Variants in ERC2 observed in about 807,000 individuals in gnomAD.
The protein encoded by ERC2 is ELKS/RAB6-interacting/CAST family member 2, also known as ERC protein 2.
ERC2 carries 42 observed loss-of-function variants against 114.8 expected under a neutral mutation model. The observed-to-expected ratio is 0.37, with a 90% CI of 0.29 to 0.47. The LOEUF (loss-of-function observed/expected upper bound fraction) is 0.47, where lower values mean the gene tolerates loss of function less well. Among genes scored for constraint, ERC2 ranks in the 20% least tolerant of loss-of-function variants. The pLI is 0.99. For synonymous variants in ERC2, 454 were observed against 425.5 expected, an observed-to-expected ratio of 1.07 and a Z score of -0.82; for missense variants, 939 against 1,150.7, an observed-to-expected ratio of 0.82 and a Z score of 2.66.
At chr3:56,462,819 GC>G (rs940597977) in intron 1 of ERC2, among the ~76,000 whole-genome samples, 13 of 152,176 alleles carry the variant, frequency 8.5e-5, no homozygotes, top group African/African-American at 2.7e-4. Context: ...CAAGTAAAGA[GC>G]TTTTTAGTTT....
At chr3:55,535,211 T>C (rs1336961025) in intron 17 of ERC2, among the ~76,000 whole-genome samples, 1 of 152,212 alleles carries the variant, frequency 6.6e-6, no homozygotes, top group Non-Finnish European at 1.5e-5. Flanking sequence ...GCCTGACTTG[T>C]AGTTTCTTCA....
chr3:56,000,656 C>T (rs1027036386), intron 10 of ERC2, among the ~76,000 whole-genome samples: 3 of 152,006 alleles, frequency 2.0e-5, no homozygotes, highest in Non-Finnish European at 4.4e-5. Context: ...GGCCAGGGTG[C>T]GGCAGAAAGG....
chr3:55,530,705 G>T (rs1237369511), intron 17 of ERC2, among the ~76,000 whole-genome samples: 1 of 152,202 alleles, frequency 6.6e-6, no homozygotes, highest in Non-Finnish European at 1.5e-5. Flanking sequence ...CTCAAGAGCT[G>T]GGAAATCAGA....
intron 2 of ERC2, among the ~76,000 whole-genome samples, chr3:56,409,332 C>G (rs1049476530): frequency 6.6e-6 from 1 of 152,056 alleles, no homozygotes; most frequent in Non-Finnish European, 1.5e-5. Context: ...CAGTCATCCT[C>G]CTGGGAATAT....
intron 6 of ERC2, among the ~76,000 whole-genome samples, chr3:56,135,701 C>G (rs2080465621): frequency 6.6e-6 from 1 of 152,164 alleles, no homozygotes; most frequent in Non-Finnish European, 1.5e-5. Flanking sequence ...GAGGTATAAC[C>G]ACACATCTCC....
At chr3:55,961,952 C>T (rs1372934457) in intron 12 of ERC2, among the ~76,000 whole-genome samples, 1 of 151,984 alleles carries the variant, frequency 6.6e-6, no homozygotes, top group Non-Finnish European at 1.5e-5. Flanking sequence ...TATCCTCCAC[C>T]GCCAAGCCAC....
At chr3:55,987,200 A>G (rs1041064287) in intron 11 of ERC2, among the ~76,000 whole-genome samples, 1 of 152,214 alleles carries the variant, frequency 6.6e-6, no homozygotes, top group Non-Finnish European at 1.5e-5. Context: ...TAAATGCGCA[A>G]CTGATCTAAA....
intron 16 of ERC2, 24 bp from the exon 17 acceptor site, chr3:55,683,883 G>A: frequency 1.2e-6 from 2 of 1,610,652 alleles, no homozygotes; most frequent in Non-Finnish European, 8.5e-7. Context: ...GAGGTGGGGA[G>A]GTGCACAGAG....
intron 6 of ERC2, among the ~76,000 whole-genome samples, chr3:56,101,050 A>T (rs1390552937): frequency 6.6e-6 from 1 of 152,234 alleles, no homozygotes; most frequent in East Asian, 1.9e-4. Context: ...TTTTCCAGGC[A>T]AAGATGAATG....
chr3:56,153,180 T>C (rs1024495858), intron 4 of ERC2, among the ~76,000 whole-genome samples: 6 of 152,106 alleles, frequency 3.9e-5, no homozygotes, highest in African/African-American at 2.4e-5. Context: ...AACAAATACA[T>C]AGGGCACCTA....
intron 2 of ERC2, among the ~76,000 whole-genome samples, chr3:56,382,989 C>T (rs2059807432): frequency 6.6e-6 from 1 of 152,104 alleles, no homozygotes; most frequent in Admixed American, 6.6e-5. Context: ...CTACCAGTTG[C>T]CCAGGCCCCA....
At position 56,312,969 on chromosome 3, in the gene ERC2, A is replaced by G. The variant is rs1269456585; in HGVS notation, c.658-16534T>C. Among the ~76,000 whole-genome samples the G allele has an allele frequency of 3.8e-5, 5 of 130,264 alleles. No individual in the cohort carries two copies. In the East Asian group the frequency reaches 9.1e-4, roughly 24 times the overall value. 85.5% of individuals were successfully genotyped at this position (130,264 alleles called of 152,430 possible). On this transcript the variant is annotated intron_variant, in intron 2 of 17. Coordinates refer to ENST00000288221, the MANE Select transcript of ERC2 (RefSeq NM_015576.3). Reference sequence around the variant, plus strand: ...CTACTGCTATATCCACACAATGCCTATGGTCCTTAATATTTAGTGAATATG... The same window carrying G: ...CTACTGCTATATCCACACAATGCCTGTGGTCCTTAATATTTAGTGAATATG...
At chr3:55,827,109 C>T (rs2060356067) in intron 14 of ERC2, among the ~76,000 whole-genome samples, 2 of 152,274 alleles carry the variant, frequency 1.3e-5, no homozygotes, top group African/African-American at 4.8e-5. Context: ...GTAACAACTC[C>T]CTCTTGAGTA....
At chr3:56,046,840 T>G (rs1164789542) in intron 7 of ERC2, among the ~76,000 whole-genome samples, 1 of 152,196 alleles carries the variant, frequency 6.6e-6, no homozygotes, top group Non-Finnish European at 1.5e-5. Flanking sequence ...TTTTCTTCCT[T>G]TCAAAGTTTA....
chr3:55,635,096 G>T (rs549666921), intron 17 of ERC2, among the ~76,000 whole-genome samples: 3 of 152,006 alleles, frequency 2.0e-5, no homozygotes, highest in African/African-American at 7.2e-5. Flanking sequence ...GGCCAGGATG[G>T]TCTTGATCTC....
At chr3:55,547,131 G>C (rs1004616358) in intron 17 of ERC2, among the ~76,000 whole-genome samples, 5 of 152,238 alleles carry the variant, frequency 3.3e-5, no homozygotes, top group Non-Finnish European at 2.9e-5. Flanking sequence ...CGTGTAAAGG[G>C]CTTCTTACAG....
chr3:56,313,922 T>A (rs1460378525), intron 2 of ERC2, among the ~76,000 whole-genome samples: 1 of 152,228 alleles, frequency 6.6e-6, no homozygotes, highest in Non-Finnish European at 1.5e-5. Context: ...TGATTATGTT[T>A]CTTTGGAGTA....
At position 55,748,980 on chromosome 3, in the gene ERC2, A is replaced by C. The variant is rs184128745; in HGVS notation, c.2565-14062T>G. The stretch of plus-strand genomic sequence containing the variant: ...ACAACACATGCCCATAGATCATTTT[A>C]AATCTTTATAATTTTATATCCTCAG... On this transcript the variant is annotated intron_variant, in intron 14 of 17. Transcript: ENST00000288221. 3.3e-5 allele frequency among the ~76,000 whole-genome samples: 5 copies of C among 152,312 alleles called. No individual in the cohort carries two copies. In the East Asian group the frequency reaches 5.8e-4, roughly 18 times the overall value.
intron 17 of ERC2, among the ~76,000 whole-genome samples, chr3:55,539,411 C>CTTTT (rs1559619170): frequency 6.1e-5 from 3 of 49,066 alleles, no homozygotes; most frequent in African/African-American, 1.8e-4. Context: ...CTCTTTTTTT[C>CTTTT]TTTCTTTTTT....
Sources: gnomAD v4.1 joint callset for allele counts (sites outside exome capture counted in the v4.1 genomes callset) on GRCh38, gnomAD v4.1.1 for gene constraint, MANE v1.5 for transcripts, NCBI Gene and HGNC (gene_info 2026-07-23, HGNC 2026-07-21) for gene names.